Variants in FHIP1A observed in about 807,000 individuals in gnomAD.
FHIP1A encodes FHF complex subunit HOOK-interacting protein 1A.
In FHIP1A, 61 loss-of-function variants were observed where a neutral mutation model predicts 88.6. The observed-to-expected ratio is 0.69, with a 90% confidence interval of 0.56 to 0.85. The LOEUF is 0.85. Ranked by LOEUF, FHIP1A falls within the 40% of genes least tolerant of loss-of-function variation. FHIP1A has a pLI of 0.00. For synonymous variants in FHIP1A, 478 were observed against 496.0 expected, an observed-to-expected ratio of 0.96 and a Z score of 0.48; for missense variants, 1,154 against 1,273.5, an observed-to-expected ratio of 0.91 and a Z score of 1.43.
At chr4:151,597,879 C>A (rs767131916) in intron 7 of FHIP1A, among the ~76,000 whole-genome samples, 1 of 152,170 alleles carries the variant, frequency 6.6e-6, no homozygotes, top group Non-Finnish European at 1.5e-5. Context: ...TGCCCCTCCC[C>A]GCACCAAGCT....
intron 4 of FHIP1A, among the ~76,000 whole-genome samples, chr4:151,569,042 G>C (rs1733498061): frequency 6.6e-6 from 1 of 152,130 alleles, no homozygotes; most frequent in Admixed American, 6.5e-5. Context: ...GTTGGGCTGG[G>C]GTGGGTGAAG....
At chr4:151,538,076 C>G (rs1732137605) in intron 3 of FHIP1A, among the ~76,000 whole-genome samples, 1 of 152,130 alleles carries the variant, frequency 6.6e-6, no homozygotes, top group African/African-American at 2.4e-5. Context: ...TCAGAAGCAG[C>G]AAACTTTGAG....
At chr4:151,487,493 T>C (rs1200493505) in intron 3 of FHIP1A, among the ~76,000 whole-genome samples, 1 of 152,128 alleles carries the variant, frequency 6.6e-6, no homozygotes, top group Admixed American at 6.5e-5. Context: ...CTCCCACAAC[T>C]CTCTCCTAAG....
intron 1 of FHIP1A, among the ~76,000 whole-genome samples, chr4:151,416,097 G>C (rs1732881718): frequency 6.6e-6 from 1 of 152,032 alleles, no homozygotes; most frequent in Non-Finnish European, 1.5e-5. Context: ...ATTAGTCATG[G>C]GTCCATTTTA....
chr4:151,594,459 T>C (rs1734569056), intron 7 of FHIP1A, among the ~76,000 whole-genome samples: 1 of 152,108 alleles, frequency 6.6e-6, no homozygotes, highest in South Asian at 2.1e-4. Context: ...CTTGAGAGGG[T>C]GTATGTGTCC....
At chr4:151,576,284 A>G (rs1677521118) in intron 4 of FHIP1A, among the ~76,000 whole-genome samples, 1 of 152,122 alleles carries the variant, frequency 6.6e-6, no homozygotes, top group African/African-American at 2.4e-5. Flanking sequence ...GTGGTAAAGT[A>G]TATATAACAA....
chr4:151,596,050 A>T (rs1734634883), intron 7 of FHIP1A, among the ~76,000 whole-genome samples: 1 of 152,174 alleles, frequency 6.6e-6, no homozygotes, highest in Non-Finnish European at 1.5e-5. Flanking sequence ...GTTATGTGTG[A>T]ATTTGATCCT....
chr4:151,517,012 T>C (rs896136785), intron 3 of FHIP1A, among the ~76,000 whole-genome samples: 14 of 152,222 alleles, frequency 9.2e-5, no homozygotes, highest in African/African-American at 2.7e-4. Context: ...CGTATGTTTA[T>C]TGCGGCACTA....
intron 1 of FHIP1A, among the ~76,000 whole-genome samples, chr4:151,422,807 G>C (rs894098671): frequency 3.3e-5 from 5 of 152,182 alleles, no homozygotes; most frequent in East Asian, 1.9e-4. Flanking sequence ...AGATACAAGC[G>C]TGGAATTGAG....
intron 11 of FHIP1A, among the ~76,000 whole-genome samples, chr4:151,655,814 A>G (rs1378283985): frequency 6.6e-6 from 1 of 152,222 alleles, no homozygotes; most frequent in Non-Finnish European, 1.5e-5. Context: ...TTTGGTGCTT[A>G]CATGAAACCC....
chr4:151,486,250 C>A (rs967087014), intron 3 of FHIP1A, among the ~76,000 whole-genome samples: 1 of 152,080 alleles, frequency 6.6e-6, no homozygotes, highest in African/African-American at 2.4e-5. Context: ...GTTGGGGACC[C>A]CCTGCTCTAG....
chr4:151,428,667 C>T (rs1174839292), intron 1 of FHIP1A, among the ~76,000 whole-genome samples: 8 of 152,184 alleles, frequency 5.3e-5, no homozygotes, highest in Non-Finnish European at 1.2e-4. Context: ...TTAATACGTG[C>T]AAGGCTCCCC....
rs1442169529 is a variant in FHIP1A at position 151,662,670 on chromosome 4, C to A, written c.3039C>A (p.Phe1013Leu). ...PMLAAALFPE[F>L]LKELAALAQE... is the part of the protein sequence containing the mutation. Reference sequence around the variant, plus strand: ...TGGCTGCTGCCCTCTTCCCAGAGTTCCTGAAGGAGCTGGCGGCCTTGGCCC... The same window carrying A: ...TGGCTGCTGCCCTCTTCCCAGAGTTACTGAAGGAGCTGGCGGCCTTGGCCC... The change falls in exon 14 of 14, where the codon TTC (phenylalanine) becomes TTA (leucine). Residue 1013 changes from phenylalanine (F) to leucine (L), a missense_variant. Transcript: ENST00000435205. The A allele has an allele frequency of 4.5e-6, 7 of 1,551,474 alleles. No homozygotes were observed. Among genetic ancestry groups the A allele is most frequent in the Non-Finnish European group, 6.1e-6 (7 of 1,146,980 alleles).
chr4:151,612,454 C>T lies in FHIP1A; in HGVS notation c.979-17248C>T, dbSNP rs141573750. Among the ~76,000 whole-genome samples, 1,166 of 152,336 alleles carry T rather than the reference C, an allele frequency of 7.7e-3. 11 individuals are homozygous for T. Among genetic ancestry groups the T allele is most frequent in the South Asian group, 0.038 (182 of 4,830 alleles). On this transcript the variant is annotated intron_variant, in intron 7 of 13. Transcript: ENST00000435205. ...GGATTGCAGTGGCACAATCTCTGCT[C>T]ACTGCAACCTCCGCCTTCCGGCTTC...
At chr4:151,605,140 G>C (rs560879932) in intron 7 of FHIP1A, among the ~76,000 whole-genome samples, 4 of 152,238 alleles carry the variant, frequency 2.6e-5, no homozygotes, top group Non-Finnish European at 4.4e-5. Flanking sequence ...AGAAAGAGGG[G>C]ACTGTTAGGT....
intron 5 of FHIP1A, among the ~76,000 whole-genome samples, chr4:151,578,755 A>C (rs980933645): frequency 6.6e-6 from 1 of 152,188 alleles, no homozygotes; most frequent in Non-Finnish European, 1.5e-5. Context: ...ATATTTACCT[A>C]AAGGTGTTGA....
At chr4:151,638,127 C>A (rs889358399) in intron 8 of FHIP1A, among the ~76,000 whole-genome samples, 1 of 152,112 alleles carries the variant, frequency 6.6e-6, no homozygotes, top group Non-Finnish European at 1.5e-5. Context: ...CATTATCTCA[C>A]CCTCAGCACA....
intron 7 of FHIP1A, among the ~76,000 whole-genome samples, chr4:151,590,531 G>T (rs570612489): frequency 1.2e-4 from 19 of 152,146 alleles, no homozygotes; most frequent in Non-Finnish European, 5.9e-5. Context: ...GCTATTGCTT[G>T]CTTAATGTCT....
chr4:151,603,050 C>T (rs1310039388), intron 7 of FHIP1A, among the ~76,000 whole-genome samples: 2 of 152,102 alleles, frequency 1.3e-5, no homozygotes, highest in African/African-American at 2.4e-5. Flanking sequence ...CGGTGGCTCA[C>T]GCCTGTAATC....
Sources: allele counts gnomAD v4.1 joint callset (sites outside exome capture counted in the v4.1 genomes callset), GRCh38; gene constraint gnomAD v4.1.1; transcripts MANE v1.5; gene names NCBI Gene and HGNC (gene_info 2026-07-23, HGNC 2026-07-21).